DYNC1H1: variants seen among roughly 807,000 people sequenced by gnomAD.
The protein encoded by DYNC1H1 is dynein cytoplasmic 1 heavy chain 1.
A neutral mutation model predicts 527.1 loss-of-function variants in DYNC1H1; 51 were observed. The ratio of observed to expected loss-of-function variants is 0.10; its 90% confidence interval spans 0.08 to 0.12. DYNC1H1 has a LOEUF of 0.12. DYNC1H1 is among the 10% of genes least tolerant of loss of function. DYNC1H1 has a pLI of 1.00. For missense variants in DYNC1H1, 2,771 were observed against 5,971.8 expected, an observed-to-expected ratio of 0.46 and a Z score of 17.66; for synonymous variants, 2,189 against 2,278.8, an observed-to-expected ratio of 0.96 and a Z score of 1.12.
In DYNC1H1 at chr14:102,005,469, G is replaced by T. The variant is rs1219269434; in HGVS notation, c.5433+233G>T. ...CGGTAGAGAGGAAGGGATCAACCTTGGTCAGGATCTCTTGCTCTTTCCTGT... is the reference window on the plus strand; with the variant it reads ...CGGTAGAGAGGAAGGGATCAACCTTTGTCAGGATCTCTTGCTCTTTCCTGT... On this transcript the variant is annotated intron_variant, in intron 26 of 77. Coordinates refer to ENST00000360184, the MANE Select transcript of DYNC1H1 (RefSeq NM_001376.5). This position sits in a 1 kb window ranked among gnomAD's most constrained non-coding sequence, Gnocchi z 4.0. Among the ~76,000 whole-genome samples, 7 of 152,190 alleles carry T rather than the reference G, an allele frequency of 4.6e-5. No homozygotes were observed. Among genetic ancestry groups the T allele is most frequent in the African/African-American group, 1.7e-4 (7 of 41,446 alleles).
Position 102,039,166 on chromosome 14 carries a change from T to C in DYNC1H1, c.11372T>C (p.Met3791Thr). 6.2e-7 allele frequency: 1 copy of C among 1,614,200 alleles called. No homozygotes were observed. The highest frequency in any genetic ancestry group is 8.5e-7 in the Non-Finnish European group (1 of 1,180,028). The change falls in exon 60 of 78, where the codon ATG (methionine) becomes ACG (threonine). Residue 3791 changes from methionine to threonine, a missense_variant. Physicochemically the swap from Met to Thr is moderately conservative, Grantham distance 81. This residue lies in a region of DYNC1H1 where 283 missense variants were observed against 737.6 expected (regional missense o/e 0.38). Transcript: ENST00000360184. This position sits in a 1 kb window ranked among gnomAD's most constrained non-coding sequence, Gnocchi z 7.0. ...AAAGTTGAGGAGACGGACATTGTCA[T>C]GCAGGAGGTGGAGACCGTGTCCCAG... Reference protein sequence around the residue: ...TRKVEETDIVMQEVETVSQQY... With the variant: ...TRKVEETDIVTQEVETVSQQY...
At position 102,010,691 on chromosome 14, in the gene DYNC1H1, AGTACT is replaced by A. The variant is rs765530171; in HGVS notation, c.6406-48_6406-44del. On this transcript the variant is annotated intron_variant, in intron 31 of 77. Coordinates refer to ENST00000360184, the MANE Select transcript of DYNC1H1 (RefSeq NM_001376.5). The surrounding 1 kb of genome is among the most constrained non-coding windows in gnomAD (Gnocchi z 6.0). ...CGCACCTCCTGGGGATGCAGCGGGC[AGTACT>A]TGAGCCATGCTGCGCTGCTCACAGC... 6.9e-6 allele frequency: 11 copies of A among 1,605,766 alleles called. No homozygotes were observed. The highest frequency in any genetic ancestry group is 4.0e-5 in the African/African-American group (3 of 74,756).
chr14:102,027,561 T>G lies in DYNC1H1; in HGVS notation c.9048+17T>G, dbSNP rs1362030488. 6.2e-7 allele frequency: 1 copy of G among 1,614,198 alleles called. No homozygotes were observed. The highest frequency in any genetic ancestry group is 8.5e-7 in the Non-Finnish European group (1 of 1,180,034). ...AATGGAGAGGTAATTAGGTGACGTGTTGCGTTGCATTACGTGTTACCGGGG... is the reference window on the plus strand; with the variant it reads ...AATGGAGAGGTAATTAGGTGACGTGGTGCGTTGCATTACGTGTTACCGGGG... On this transcript the variant is annotated intron_variant, in intron 46 of 77. Coordinates refer to ENST00000360184, the MANE Select transcript of DYNC1H1 (RefSeq NM_001376.5). This position sits in a 1 kb window ranked among gnomAD's most constrained non-coding sequence, Gnocchi z 7.7.
Position 102,017,830 on chromosome 14 carries a change from G to C in DYNC1H1, c.8177+326G>C. Reference sequence around the variant, plus strand: ...AAATACAAAAACAAAATTAAGGCCGGGCGTGGTGGCTTACGCCTGTAATCC... The same window carrying C: ...AAATACAAAAACAAAATTAAGGCCGCGCGTGGTGGCTTACGCCTGTAATCC... On this transcript the variant is annotated intron_variant, in intron 40 of 77. Coordinates refer to ENST00000360184, the MANE Select transcript of DYNC1H1 (RefSeq NM_001376.5). The surrounding 1 kb of genome is among the most constrained non-coding windows in gnomAD (Gnocchi z 4.6). 1 of 376,478 alleles carries C rather than the reference G, an allele frequency of 2.7e-6. No homozygotes were observed. Among genetic ancestry groups the C allele is most frequent in the East Asian group, 6.7e-5 (1 of 14,856 alleles). The allele number at this position is 376,478 out of a possible 1,614,324, so 23.3% of individuals were successfully genotyped here. A position where few individuals can be genotyped will look rare whatever the true frequency, so the allele number is the denominator to read the frequency against.
chr14:102,000,768 T>C, intron 18 of DYNC1H1, 186 bp from the exon 19 acceptor site: 1 of 591,106 alleles, frequency 1.7e-6, no homozygotes, highest in East Asian at 3.2e-5. Flanking sequence ...GAGACAGGGT[T>C]TCTCCATATT....
In DYNC1H1 at chr14:102,039,606, TG is replaced by T. The variant is rs1428917861; in HGVS notation, c.11596-30del. ...GGGAAGCAGGGTGCTGCTTCTCTTA[TG>T]GAACAACATCGTCTCCTGCTCTTGT... On this transcript the variant is annotated intron_variant, in intron 61 of 77. Transcript: ENST00000360184. This position sits in a 1 kb window ranked among gnomAD's most constrained non-coding sequence, Gnocchi z 7.0. The T allele has an allele frequency of 9.3e-6, 15 of 1,614,072 alleles. No homozygotes were observed. The highest frequency in any genetic ancestry group is 1.3e-5 in the Non-Finnish European group (15 of 1,180,034).
In DYNC1H1 at chr14:102,029,360, G is replaced by A; in HGVS notation, c.9469-179G>A. 1 of 704,946 alleles carries A rather than the reference G, an allele frequency of 1.4e-6. No homozygotes were observed. 43.7% of individuals were successfully genotyped at this position (704,946 alleles called of 1,614,324 possible). On this transcript the variant is annotated intron_variant, in intron 48 of 77. Transcript: ENST00000360184. The surrounding 1 kb of genome is among the most constrained non-coding windows in gnomAD (Gnocchi z 5.3). ...TTAAAGGGCTTAGAGAGGTTTGGAA[G>A]TGTAAGGGGTATCTCGAAAGCTCTA...
rs530283605 is a variant in DYNC1H1, at chr14:102,039,806, C to G, written c.11690+74C>G. The G allele has an allele frequency of 4.1e-4, 605 of 1,463,348 alleles. 9 individuals are homozygous for G. In the South Asian group the frequency reaches 6.8e-3, roughly 17 times the overall value. The allele number at this position is 1,463,348 out of a possible 1,614,324, so 90.6% of individuals were successfully genotyped here. ...CAAGGGTTTCATGATCAGATACATGCTTTTATTATTTCTTTTATTTTCTCT... is the reference window on the plus strand; with the variant it reads ...CAAGGGTTTCATGATCAGATACATGGTTTTATTATTTCTTTTATTTTCTCT... On this transcript the variant is annotated intron_variant, in intron 62 of 77. Transcript: ENST00000360184. This position sits in a 1 kb window ranked among gnomAD's most constrained non-coding sequence, Gnocchi z 7.0.
intron 10 of DYNC1H1, among the ~76,000 whole-genome samples, chr14:101,990,624 C>T (rs1004652259): frequency 3.3e-5 from 5 of 152,234 alleles, no homozygotes; most frequent in African/African-American, 1.2e-4. Context: ...CCTGTAATCC[C>T]AGCACTTTGG....
At chr14:102,030,134 C>T in intron 50 of DYNC1H1, 28 bp from the exon 51 acceptor site, 1 of 1,613,838 alleles carries the variant, frequency 6.2e-7, no homozygotes, top group Non-Finnish European at 8.5e-7. Context: ...AATGCTTAAC[C>T]CATACCTAAG....
rs566628633 is a variant in DYNC1H1 at position 102,039,324 on chromosome 14, G to A, written c.11460+70G>A. 4.0e-4 allele frequency: 646 copies of A among 1,611,834 alleles called. 8 individuals are homozygous for A. The South Asian group carries it at 5.4e-3, about 13-fold the overall frequency. On this transcript the variant is annotated intron_variant, in intron 60 of 77. Transcript: ENST00000360184. This position sits in a 1 kb window ranked among gnomAD's most constrained non-coding sequence, Gnocchi z 7.0. Reference sequence around the variant, plus strand: ...GCTCCTTGGCCGCACAGAGGCTGGCGGGCCCTGCACAGTAGCTCCTTGGCC... The same window carrying A: ...GCTCCTTGGCCGCACAGAGGCTGGCAGGCCCTGCACAGTAGCTCCTTGGCC...
chr14:101,987,608 C>G lies in DYNC1H1; in HGVS notation c.2694C>G (p.Ile898Met). ...LNLHSYSNLP[I>M]WVNKLDMEIE... is the part of the protein sequence containing the mutation. ...TGCACTCCTATTCCAATTTGCCCAT[C>G]TGGGTCAACAAGCTTGACATGGAGG... Residue 898 changes from isoleucine to methionine, a missense_variant, in exon 9 of 78, where the codon ATC becomes ATG. By Grantham distance (10) the Ile-to-Met change is conservative. Around this residue, in one of 32 missense-constraint regions of DYNC1H1, gnomAD observed 179 missense variants for 349.4 expected, o/e 0.51. Coordinates refer to ENST00000360184, the MANE Select transcript of DYNC1H1 (RefSeq NM_001376.5). 6.2e-7 allele frequency: 1 copy of G among 1,614,180 alleles called. No homozygotes were observed. The highest frequency in any genetic ancestry group is 8.5e-7 in the Non-Finnish European group (1 of 1,180,034).
Position 102,036,475 on chromosome 14 carries a change from G to T in DYNC1H1, c.10755-14G>T. ...TCGGTGTTTCAACCTTCTCTTCTGT[G>T]GCCTCATCCTCAGGTATCCGCTGAT... On this transcript the variant is annotated splice_polypyrimidine_tract_variant and intron_variant, in intron 56 of 77. Transcript: ENST00000360184. This position sits in a 1 kb window ranked among gnomAD's most constrained non-coding sequence, Gnocchi z 5.6. 6.2e-7 allele frequency: 1 copy of T among 1,613,098 alleles called. No homozygotes were observed. The highest frequency in any genetic ancestry group is 8.5e-7 in the Non-Finnish European group (1 of 1,179,790).
rs2048131418 is a variant in DYNC1H1, at chr14:102,001,639, C to T, written c.4500C>T (p.His1500=). The T allele has an allele frequency of 6.2e-7, 1 of 1,614,210 alleles. No homozygotes were observed. Among genetic ancestry groups the T allele is most frequent in the Non-Finnish European group, 8.5e-7 (1 of 1,180,040 alleles). The change falls in exon 21 of 78, where the codon CAC becomes CAT. Residue 1500 remains histidine, a synonymous_variant. Transcript: ENST00000360184. This position sits in a 1 kb window ranked among gnomAD's most constrained non-coding sequence, Gnocchi z 5.0. ...WDDLFNKVKE[H]INSVSAMKLS... ...ACCTCTTCAACAAGGTCAAAGAACA[C>T]ATCAACAGCGTCTCGGCCATGAAGC...
chr14:101,970,157 C>T (rs910310674), intron 1 of DYNC1H1, among the ~76,000 whole-genome samples: 59 of 152,124 alleles, frequency 3.9e-4, no homozygotes, highest in African/African-American at 1.4e-3. Flanking sequence ...CTCCAGTTTA[C>T]GTTAAATATA....
chr14:101,996,989 C>G, intron 15 of DYNC1H1, 46 bp from the exon 16 acceptor site: 1 of 1,580,932 alleles, frequency 6.3e-7, no homozygotes, highest in Non-Finnish European at 8.6e-7. Context: ...TAATTTCTAT[C>G]ATTGTTATAG....
At chr14:101,984,445 A>ATTTTTTT (rs1444213016) in intron 7 of DYNC1H1, among the ~76,000 whole-genome samples, 7 of 92,850 alleles carry the variant, frequency 7.5e-5, no homozygotes, top group African/African-American at 2.9e-4. Context: ...ATATATATAT[A>ATTTTTTT]TTATATTTTT....
At position 102,015,716 on chromosome 14, in the gene DYNC1H1, G is replaced by A; in HGVS notation, c.7243-140G>A. On this transcript the variant is annotated intron_variant, in intron 35 of 77. Transcript: ENST00000360184. The surrounding 1 kb of genome is among the most constrained non-coding windows in gnomAD (Gnocchi z 6.9). ...GGTTTTTGAGAACCACCAGGGTGAAGGAATGAGGACTGGTCATTGAAGCTT... is the reference window on the plus strand; with the variant it reads ...GGTTTTTGAGAACCACCAGGGTGAAAGAATGAGGACTGGTCATTGAAGCTT... The A allele has an allele frequency of 1.0e-6, 1 of 966,696 alleles. No homozygotes were observed. Among genetic ancestry groups the A allele is most frequent in the Non-Finnish European group, 1.6e-6 (1 of 632,666 alleles). The allele number at this position is 966,696 out of a possible 1,614,324, so 59.9% of individuals were successfully genotyped here.
rs2048268995 is a variant in DYNC1H1, at chr14:102,012,478, G to C, written c.7014+8G>C. The C allele has an allele frequency of 1.2e-6, 2 of 1,614,122 alleles. No individual in the cohort carries two copies. Among genetic ancestry groups the C allele is most frequent in the Non-Finnish European group, 1.7e-6 (2 of 1,180,026 alleles). On this transcript the variant is annotated splice_region_variant and intron_variant, in intron 34 of 77. Coordinates refer to ENST00000360184, the MANE Select transcript of DYNC1H1 (RefSeq NM_001376.5). The surrounding 1 kb of genome is among the most constrained non-coding windows in gnomAD (Gnocchi z 4.9). ...CTCAGTCTTCCACCCAATGTAAGTAGCCTTTTGTATGTCGTCAACTGAATA... is the reference window on the plus strand; with the variant it reads ...CTCAGTCTTCCACCCAATGTAAGTACCCTTTTGTATGTCGTCAACTGAATA...
Sources: gnomAD v4.1 joint callset for allele counts (sites outside exome capture counted in the v4.1 genomes callset) on GRCh38, gnomAD v4.1.1 for gene constraint, gnomAD v4.1.1 regional missense constraint, Gnocchi (gnomAD v3.1) non-coding constraint, MANE v1.5 for transcripts, NCBI Gene and HGNC (gene_info 2026-07-23, HGNC 2026-07-21) for gene names.